Variants in ULK4 observed in about 807,000 individuals in gnomAD.
ULK4 encodes the protein unc-51 like kinase 4.
A neutral mutation model predicts 160.6 loss-of-function variants in ULK4; 133 were observed. The observed-to-expected ratio is 0.83, with a 90% CI of 0.72 to 0.96. The LOEUF is 0.96. Ranked by LOEUF, ULK4 falls within the 40% of genes least tolerant of loss-of-function variation. The probability of loss-of-function intolerance (pLI) is 0.00; values close to 1 mark genes in which losing one functional copy is unlikely to be tolerated. For synonymous variants in ULK4, 534 were observed against 539.8 expected (o/e 0.99, Z 0.15); for missense variants, 1,580 against 1,499.5 (o/e 1.05, Z -0.89).
intron 30 of ULK4, among the ~76,000 whole-genome samples, chr3:41,641,899 G>C (rs1340754749): frequency 6.8e-6 from 1 of 147,198 alleles, no homozygotes; most frequent in East Asian, 2.0e-4. Flanking sequence ...CTTTGAGACG[G>C]AGTTTCACTC....
At chr3:41,721,333 AATATATATATAT>A (rs71075483) in intron 22 of ULK4, among the ~76,000 whole-genome samples, 2 of 26,952 alleles carry the variant, frequency 7.4e-5, no homozygotes, top group African/African-American at 3.3e-4. Context: ...TTTTAATGTA[AATATATATATAT>A]ATATATATAT....
chr3:41,279,617 G>T (rs1198037900), intron 35 of ULK4, among the ~76,000 whole-genome samples: 1 of 152,174 alleles, frequency 6.6e-6, no homozygotes, highest in Admixed American at 6.5e-5. Context: ...TTTCTTGGCA[G>T]AAACCCTACA....
chr3:41,574,183 A>AAAAC (rs923442212), intron 31 of ULK4, among the ~76,000 whole-genome samples: 6 of 152,278 alleles, frequency 3.9e-5, no homozygotes, highest in South Asian at 2.1e-4. Context: ...CCGTCTCAAA[A>AAAAC]AAACAAACAA....
intron 2 of ULK4, among the ~76,000 whole-genome samples, chr3:41,946,958 CAAAATATGATCACAGAAGGGG>C (rs371328071): frequency 0.018 from 2,705 of 152,204 alleles, 23 homozygotes; most frequent in Middle Eastern, 0.031. Context: ...AAAATGCTAT[CAAAATATGATCACAGAAGGGG>C]ATGATACTTC....
chr3:41,704,369 C>T (rs928943590), intron 27 of ULK4, among the ~76,000 whole-genome samples: 5 of 152,206 alleles, frequency 3.3e-5, no homozygotes, highest in African/African-American at 1.2e-4. Flanking sequence ...CATGTGTCTG[C>T]TCCACAGCAG....
intron 31 of ULK4, among the ~76,000 whole-genome samples, chr3:41,608,358 TAATCAA>T (rs1056721649): frequency 4.1e-4 from 62 of 152,348 alleles, no homozygotes; most frequent in African/African-American, 1.4e-3. Context: ...CTGCTTTATT[TAATCAA>T]AACTAGTAAC....
At chr3:41,616,008 A>G (rs2032943192) in intron 30 of ULK4, among the ~76,000 whole-genome samples, 1 of 152,240 alleles carries the variant, frequency 6.6e-6, no homozygotes, top group South Asian at 2.1e-4. Context: ...TATAAAGACT[A>G]TCAAAATAGG....
rs200701954 is a variant in ULK4 at position 41,765,584 on chromosome 3, G to GA, written c.2194-11097dup. 2.3e-3 allele frequency among the ~76,000 whole-genome samples: 354 copies of GA among 152,102 alleles called. 2 individuals are homozygous for GA. Among genetic ancestry groups the GA allele is most frequent in the Non-Finnish European group, 4.1e-3 (277 of 68,000 alleles). On this transcript the variant is annotated intron_variant, in intron 21 of 36. Transcript: ENST00000301831. ...TAATAAAAAAAGGAAAACTGTTGTGGAAAAGACAACACAAAGAGGAAAACA... is the reference window on the plus strand; with the variant it reads ...TAATAAAAAAAGGAAAACTGTTGTGGAAAAAGACAACACAAAGAGGAAAACA...
intron 17 of ULK4, among the ~76,000 whole-genome samples, chr3:41,862,847 T>G (rs2125685776): frequency 6.8e-6 from 1 of 148,144 alleles, no homozygotes; most frequent in South Asian, 2.4e-4. Context: ...ACCTAAAGAC[T>G]TGGGGTGGAG....
chr3:41,398,015 C>T, intron 35 of ULK4, 64 bp downstream of exon 35: 1 of 1,521,248 alleles, frequency 6.6e-7, no homozygotes, highest in Non-Finnish European at 8.8e-7. Flanking sequence ...GAAATGGCTA[C>T]TCACTGTCCA....
intron 20 of ULK4, among the ~76,000 whole-genome samples, chr3:41,796,414 C>T (rs1158110005): frequency 2.6e-5 from 4 of 152,072 alleles, no homozygotes; most frequent in African/African-American, 7.2e-5. Flanking sequence ...CATGATGAAA[C>T]ATCCTCTCTA....
chr3:41,492,243 A>T (rs1351567601), intron 32 of ULK4, among the ~76,000 whole-genome samples: 1 of 152,142 alleles, frequency 6.6e-6, no homozygotes, highest in African/African-American at 2.4e-5. Flanking sequence ...TTGGGTATAT[A>T]CCCAGCAATG....
At chr3:41,431,794 C>CT (rs11402711) in intron 34 of ULK4, among the ~76,000 whole-genome samples, 69,110 of 134,686 alleles carry the variant, frequency 0.51, 18,054 homozygotes, top group East Asian at 0.68. Context: ...TTTTTCTTTT[C>CT]TTTTTTTTTT....
At chr3:41,386,568 AC>A (rs1245753486) in intron 35 of ULK4, among the ~76,000 whole-genome samples, 12 of 152,056 alleles carry the variant, frequency 7.9e-5, no homozygotes, top group Non-Finnish European at 1.5e-4. Flanking sequence ...ACCCAGAACT[AC>A]CTAAAACTTT....
intron 25 of ULK4, among the ~76,000 whole-genome samples, chr3:41,706,003 T>C (rs748134783): frequency 1.1e-4 from 16 of 152,212 alleles, no homozygotes; most frequent in Non-Finnish European, 1.0e-4. Context: ...TGTGTCAAGA[T>C]AGTAGTTTCG....
intron 32 of ULK4, among the ~76,000 whole-genome samples, chr3:41,506,403 T>C (rs911272268): frequency 6.6e-6 from 1 of 151,278 alleles, no homozygotes; most frequent in Admixed American, 6.6e-5. Flanking sequence ...TGTGGAAATA[T>C]AGGAATCTAC....
intron 17 of ULK4, among the ~76,000 whole-genome samples, chr3:41,867,417 G>A (rs2125689986): frequency 1.3e-5 from 2 of 152,322 alleles, no homozygotes; most frequent in South Asian, 4.1e-4. Flanking sequence ...TGTCACCCAG[G>A]CTGGAGTGCA....
chr3:41,550,044 A>T (rs2087004566), intron 32 of ULK4, among the ~76,000 whole-genome samples: 1 of 152,154 alleles, frequency 6.6e-6, no homozygotes, highest in African/African-American at 2.4e-5. Flanking sequence ...TAGGCCAGTC[A>T]CACAAAAAAT....
At chr3:41,934,065 T>C (rs924467440) in intron 4 of ULK4, among the ~76,000 whole-genome samples, 1 of 151,998 alleles carries the variant, frequency 6.6e-6, no homozygotes. Flanking sequence ...AATAAAAAAA[T>C]TTTAAAAATG....
Sources: allele counts gnomAD v4.1 joint callset (sites outside exome capture counted in the v4.1 genomes callset), GRCh38; gene constraint gnomAD v4.1.1; transcripts MANE v1.5; gene names NCBI Gene and HGNC (gene_info 2026-07-23, HGNC 2026-07-21).